Variants in SHOC1 observed in about 807,000 individuals in gnomAD.
SHOC1 encodes the protein protein shortage in chiasmata 1 ortholog.
A neutral mutation model predicts 179.2 loss-of-function variants in SHOC1; 136 were observed. The observed-to-expected ratio is 0.76, with a 90% confidence interval of 0.66 to 0.87. The LOEUF is 0.87. SHOC1 is among the 40% of genes least tolerant of loss of function. The pLI, the probability that SHOC1 is intolerant of heterozygous loss-of-function variation, is 0.00. For synonymous variants in SHOC1, 489 were observed against 586.6 expected (o/e 0.83, Z 2.41); for missense variants, 1,538 against 1,700.8 (o/e 0.90, Z 1.68).
At position 111,769,986 on chromosome 9, in the gene SHOC1, GTT is replaced by G. The variant is rs769266659; in HGVS notation, c.442+5803_442+5804del. On this transcript the variant is annotated intron_variant, in intron 5 of 27. Coordinates refer to ENST00000682961, the MANE Select transcript of SHOC1 (RefSeq NM_001378211.1). The stretch of plus-strand genomic sequence containing the variant: ...AGGTTTTATCTTCTGTTTTTTTTTT[GTT>G]TTTTTTTTTTTTTTTTTTTTAGTCT... 3.1e-3 allele frequency among the ~76,000 whole-genome samples: 238 copies of G among 77,632 alleles called. 4 individuals are homozygous for G. The highest frequency in any genetic ancestry group is 0.013 in the East Asian group (40 of 3,190). 50.9% of individuals were successfully genotyped at this position (77,632 alleles called of 152,430 possible). A position where few individuals can be genotyped will look rare whatever the true frequency, so the allele number is the denominator to read the frequency against.
At chr9:111,772,964 C>T (rs1441278793) in intron 5 of SHOC1, among the ~76,000 whole-genome samples, 3 of 151,468 alleles carry the variant, frequency 2.0e-5, no homozygotes, top group Admixed American at 2.0e-4. Flanking sequence ...GCATAGAAAC[C>T]ATGAGTTTGG....
chr9:111,731,776 TG>T, intron 12 of SHOC1, among the ~76,000 whole-genome samples: 1 of 152,048 alleles, frequency 6.6e-6, no homozygotes, highest in East Asian at 1.9e-4. Context: ...GTCTTTATTG[TG>T]ATATATAACT....
intron 4 of SHOC1, among the ~76,000 whole-genome samples, chr9:111,778,429 AAGATAGACAAATAAGTATAT>A (rs984931475): frequency 1.3e-5 from 2 of 152,188 alleles, no homozygotes; most frequent in Non-Finnish European, 2.9e-5. Context: ...TGCTAAAAGG[AAGATAGACAAATAAGTATAT>A]AATATAATTT....
At position 111,775,082 on chromosome 9, in the gene SHOC1, G is replaced by A. The variant is rs905947280; in HGVS notation, c.442+709C>T. Among the ~76,000 whole-genome samples the A allele has an allele frequency of 2.0e-5, 3 of 151,646 alleles. No homozygotes were observed. The South Asian group carries it at 6.2e-4, about 32-fold the overall frequency. On this transcript the variant is annotated intron_variant, in intron 5 of 27. Transcript: ENST00000682961. ...GCGATCTCGGTTCACTGTAACCTCC[G>A]TCCCCTGGGTTCAAGTGATTCTCCT... is the stretch of plus-strand genomic sequence containing the variant.
intron 2 of SHOC1, among the ~76,000 whole-genome samples, chr9:111,790,629 C>T (rs1836413739): frequency 1.8e-5 from 1 of 55,760 alleles, no homozygotes; most frequent in Admixed American, 2.3e-4. Flanking sequence ...ACTGCAACCT[C>T]CACTTCCCAG....
intron 5 of SHOC1, among the ~76,000 whole-genome samples, chr9:111,771,022 A>G (rs566138731): frequency 1.1e-3 from 170 of 152,274 alleles, no homozygotes; most frequent in Non-Finnish European, 2.1e-3. Flanking sequence ...CAGTGTTACT[A>G]TTAAGTAAAG....
chr9:111,691,896 T>C lies in SHOC1; in HGVS notation c.4081A>G (p.Lys1361Glu), dbSNP rs1422392801. 15 of 1,613,816 alleles carry C rather than the reference T, an allele frequency of 9.3e-6. No individual in the cohort carries two copies. Among genetic ancestry groups the C allele is most frequent in the African/African-American group, 1.3e-5 (1 of 74,926 alleles). The change falls in exon 27 of 28, where the codon AAG becomes GAG. Residue 1361 changes from lysine to glutamate, a missense_variant. Transcript: ENST00000682961. Reference sequence around the variant, plus strand: ...TTCTCTTGTTCCCATATATTTTTCTTAAAGTTCCAATGAAGAGGAGATTGA... The same window carrying C: ...TTCTCTTGTTCCCATATATTTTTCTCAAAGTTCCAATGAAGAGGAGATTGA... The part of the protein sequence containing the change: ...GTQSPLHWNF[K>E]KNIWEQENHP...
At position 111,758,179 on chromosome 9, in the gene SHOC1, GAA is replaced by G; in HGVS notation, c.611_612del (p.Leu204ProfsTer16). The G allele has an allele frequency of 2.5e-6, 4 of 1,569,860 alleles. No individual in the cohort carries two copies. Among genetic ancestry groups the G allele is most frequent in the Non-Finnish European group, 3.5e-6 (4 of 1,156,802 alleles). On this transcript the variant is annotated frameshift_variant, in exon 7 of 28. Transcript: ENST00000682961. LOFTEE classifies it high-confidence loss of function. ...EANFSRECFSLQETLEAFVKE... is the reference protein window; with the variant it reads ...EANFSRECFSXQETLEAFVKE... Reference sequence around the variant, plus strand: ...TTCACAAAAGCTTCCAAAGTTTCTTGAAGAGAGAAACATTCCCTTAAAAAAAA... The same window carrying G: ...TTCACAAAAGCTTCCAAAGTTTCTTGGAGAGAAACATTCCCTTAAAAAAAA...
At position 111,775,982 on chromosome 9, in the gene SHOC1, C is replaced by T. The variant is rs1266063963; in HGVS notation, c.258-7G>A. The T allele has an allele frequency of 1.9e-6, 3 of 1,607,710 alleles. No individual in the cohort carries two copies. In the African/African-American group the frequency reaches 4.0e-5, roughly 22 times the overall value. ...CATTCTTGTAATTGTTTTTCTGTGACAATATAAAATTACTAATGTTATGTA... is the reference window on the plus strand; with the variant it reads ...CATTCTTGTAATTGTTTTTCTGTGATAATATAAAATTACTAATGTTATGTA... On this transcript the variant is annotated splice_polypyrimidine_tract_variant and splice_region_variant and intron_variant, in intron 4 of 27. Coordinates refer to ENST00000682961, the MANE Select transcript of SHOC1 (RefSeq NM_001378211.1).
chr9:111,735,656 T>A (rs1833782764), intron 12 of SHOC1, among the ~76,000 whole-genome samples: 1 of 152,200 alleles, frequency 6.6e-6, no homozygotes, highest in Non-Finnish European at 1.5e-5. Flanking sequence ...TACGTGTGCA[T>A]GTGTCTTTAT....
chr9:111,692,369 A>T lies in SHOC1; in HGVS notation c.3608T>A (p.Ile1203Asn). Residue 1203 changes from isoleucine to asparagine, a missense_variant, in exon 27 of 28, where the codon ATT becomes AAT. By Grantham distance (149) the Ile-to-Asn change is moderately radical (BLOSUM62 -3). Coordinates refer to ENST00000682961, the MANE Select transcript of SHOC1 (RefSeq NM_001378211.1). ...QSSASDLDSV[I>N]QEHNEYYQYL... is the part of the protein sequence containing the mutation. ...CTGATAATATTCATTATGTTCTTGAATGACAGAGTCTAAATCAGAAGCTGA... is the reference window on the plus strand; with the variant it reads ...CTGATAATATTCATTATGTTCTTGATTGACAGAGTCTAAATCAGAAGCTGA... 1 of 1,613,494 alleles carries T rather than the reference A, an allele frequency of 6.2e-7. No homozygotes were observed. Among genetic ancestry groups the T allele is most frequent in the South Asian group, 1.1e-5 (1 of 91,058 alleles).
intron 24 of SHOC1, among the ~76,000 whole-genome samples, chr9:111,695,719 G>C (rs1831658614): frequency 6.6e-6 from 1 of 152,140 alleles, no homozygotes; most frequent in Non-Finnish European, 1.5e-5. Flanking sequence ...GCCAACAACT[G>C]TTTGAGAATG....
chr9:111,752,333 G>A (rs1466792883), intron 8 of SHOC1, among the ~76,000 whole-genome samples: 1 of 152,194 alleles, frequency 6.6e-6, no homozygotes, highest in African/African-American at 2.4e-5. Context: ...AACTACACAT[G>A]TATGGGGCAG....
chr9:111,754,962 C>G (rs1834789337), intron 8 of SHOC1, among the ~76,000 whole-genome samples: 1 of 152,074 alleles, frequency 6.6e-6, no homozygotes, highest in Non-Finnish European at 1.5e-5. Flanking sequence ...TTGAGATATC[C>G]CTGTAGCAGG....
At chr9:111,711,914 T>C (rs979723098) in intron 18 of SHOC1, among the ~76,000 whole-genome samples, 1 of 152,036 alleles carries the variant, frequency 6.6e-6, no homozygotes, top group Non-Finnish European at 1.5e-5. Context: ...TGATTCAGGG[T>C]TGAGGTTTAA....
intron 27 of SHOC1, among the ~76,000 whole-genome samples, chr9:111,688,219 T>C (rs768289038): frequency 7.9e-5 from 12 of 152,192 alleles, no homozygotes; most frequent in African/African-American, 1.7e-4. Flanking sequence ...ATAGAAACAA[T>C]GTTTTTTTCT....
chr9:111,688,631 CA>C (rs573705921), intron 27 of SHOC1, among the ~76,000 whole-genome samples: 44 of 151,802 alleles, frequency 2.9e-4, no homozygotes, highest in Middle Eastern at 3.4e-3. Flanking sequence ...TCAGAAATAA[CA>C]AAAGTTCAAA....
In SHOC1 at chr9:111,686,690, G is replaced by C; in HGVS notation, c.*80C>G. The C allele has an allele frequency of 2.3e-6, 2 of 881,642 alleles. No homozygotes were observed. Among genetic ancestry groups the C allele is most frequent in the Admixed American group, 3.9e-5 (2 of 51,796 alleles). The allele number at this position is 881,642 out of a possible 1,614,324, so 54.6% of individuals were successfully genotyped here. ...AACAATTGTGTTTTCTTTAGTGTATGAGCAAATCTAAATAATTGCGCTAGT... is the reference window on the plus strand; with the variant it reads ...AACAATTGTGTTTTCTTTAGTGTATCAGCAAATCTAAATAATTGCGCTAGT... On this transcript the variant is annotated 3_prime_UTR_variant, in exon 28 of 28. Transcript: ENST00000682961.
chr9:111,748,280 T>G (rs1382671625), intron 8 of SHOC1, 81 bp from the exon 9 acceptor site: 1 of 929,364 alleles, frequency 1.1e-6, no homozygotes, highest in African/African-American at 1.7e-5. Context: ...CATTTTCCTT[T>G]TAAAGTATCT....
Sources: allele counts gnomAD v4.1 joint callset (sites outside exome capture counted in the v4.1 genomes callset), GRCh38; gene constraint gnomAD v4.1.1; transcripts MANE v1.5; gene names NCBI Gene and HGNC (gene_info 2026-07-23, HGNC 2026-07-21).